MAPK10: variants seen among roughly 807,000 people sequenced by gnomAD.
The protein encoded by MAPK10 is JNK3 alpha protein kinase.
Under a neutral mutation model 59.3 loss-of-function variants are expected in MAPK10, and 25 were observed. That is an observed-to-expected ratio of 0.42 (90% CI 0.31 to 0.59). MAPK10 has a LOEUF of 0.59. Ranked by LOEUF, MAPK10 falls within the 20% of genes least tolerant of loss-of-function variation. The pLI is 0.15. For synonymous variants in MAPK10, 190 were observed against 200.5 expected, an observed-to-expected ratio of 0.95 and a Z score of 0.44; for missense variants, 351 against 568.9, an observed-to-expected ratio of 0.62 and a Z score of 3.90.
chr4:86,402,505 T>C (rs956738461), intron 1 of MAPK10, among the ~76,000 whole-genome samples: 2 of 152,158 alleles, frequency 1.3e-5, no homozygotes, highest in African/African-American at 4.8e-5. Context: ...CTGCTAAACC[T>C]GTGAGCAGAA....
chr4:86,316,462 T>A (rs1486121129), intron 2 of MAPK10, among the ~76,000 whole-genome samples: 5 of 152,136 alleles, frequency 3.3e-5, no homozygotes, highest in Non-Finnish European at 5.9e-5. Context: ...TCCAGGGATA[T>A]CTCACAGTAA....
chr4:86,201,715 A>AT (rs2149332256), intron 2 of MAPK10, among the ~76,000 whole-genome samples: 1 of 151,384 alleles, frequency 6.6e-6, no homozygotes, highest in African/African-American at 2.4e-5. Flanking sequence ...TTTTTTATTT[A>AT]TTTTCCTTTT....
At chr4:86,541,425 A>C (rs1758685829) in intron 1 of MAPK10, among the ~76,000 whole-genome samples, 1 of 152,190 alleles carries the variant, frequency 6.6e-6, no homozygotes, top group African/African-American at 2.4e-5. Context: ...CCTTCCTTGC[A>C]GCAGGGTGGT....
At chr4:86,351,611 T>C (rs566992632) in intron 2 of MAPK10, among the ~76,000 whole-genome samples, 2 of 152,236 alleles carry the variant, frequency 1.3e-5, no homozygotes, top group Admixed American at 6.5e-5. Context: ...AATAGCACCT[T>C]AGATGTTCTC....
At chr4:86,169,898 G>T (rs1419910191) in intron 3 of MAPK10, among the ~76,000 whole-genome samples, 1 of 147,208 alleles carries the variant, frequency 6.8e-6, no homozygotes. Context: ...GAAGAGAGTG[G>T]GGGCCAATAT....
chr4:86,169,707 C>G (rs1240763536), intron 3 of MAPK10, among the ~76,000 whole-genome samples: 1 of 151,792 alleles, frequency 6.6e-6, no homozygotes, highest in East Asian at 1.9e-4. Context: ...TCAGGAAATA[C>G]AGAGAACACC....
At chr4:86,386,567 C>T (rs1457443397) in intron 1 of MAPK10, among the ~76,000 whole-genome samples, 1 of 151,930 alleles carries the variant, frequency 6.6e-6, no homozygotes, top group Non-Finnish European at 1.5e-5. Flanking sequence ...ATTTTGCTTC[C>T]ATCTGCTTTT....
chr4:86,186,291 T>A (rs1039968688), intron 3 of MAPK10, among the ~76,000 whole-genome samples: 4 of 152,132 alleles, frequency 2.6e-5, no homozygotes, highest in Non-Finnish European at 5.9e-5. Flanking sequence ...ACCAAGGCTG[T>A]CTAGCACTGG....
chr4:86,360,820 T>TA (rs1458615205), upstream of MAPK10, among the ~76,000 whole-genome samples: 1 of 152,172 alleles, frequency 6.6e-6, no homozygotes, highest in Non-Finnish European at 1.5e-5. Flanking sequence ...TTACTATCCA[T>TA]AAATAATAGT....
At chr4:86,170,387 CA>C (rs1343904430) in intron 3 of MAPK10, among the ~76,000 whole-genome samples, 1 of 151,420 alleles carries the variant, frequency 6.6e-6, no homozygotes, top group Non-Finnish European at 1.5e-5. Context: ...AAATGGAAAA[CA>C]AAAAAAGGCA....
intron 3 of MAPK10, among the ~76,000 whole-genome samples, chr4:86,189,872 T>G (rs2079228015): frequency 6.6e-6 from 1 of 152,232 alleles, no homozygotes; most frequent in South Asian, 2.1e-4. Context: ...AGTATGATAC[T>G]GGCTGTGGAA....
chr4:86,202,599 G>A lies in MAPK10; in HGVS notation c.-6-8192C>T, dbSNP rs78371894. 5.3e-4 allele frequency among the ~76,000 whole-genome samples: 81 copies of A among 151,992 alleles called. No individual in the cohort carries two copies. The East Asian group carries it at 0.011, about 22-fold the overall frequency. On this transcript the variant is annotated intron_variant, in intron 2 of 13. Transcript: ENST00000641462. Reference sequence around the variant, plus strand: ...TACATTTGATACTAACAAATTAGGAGCAAGGAGTTTGCAGTAGTAGAAATA... The same window carrying A: ...TACATTTGATACTAACAAATTAGGAACAAGGAGTTTGCAGTAGTAGAAATA...
intron 2 of MAPK10, among the ~76,000 whole-genome samples, chr4:86,297,473 C>T (rs1381042556): frequency 7.9e-5 from 12 of 152,018 alleles, no homozygotes; most frequent in East Asian, 1.9e-4. Flanking sequence ...CCACCAAGGT[C>T]GGCTACTTTT....
chr4:86,091,483 A>G (rs1167978138), intron 9 of MAPK10: 3 of 148,748 alleles, frequency 2.0e-5, no homozygotes, highest in African/African-American at 7.4e-5. Context: ...GTAATCCCTA[A>G]CCATTCCTCT....
intron 1 of MAPK10, among the ~76,000 whole-genome samples, chr4:86,503,279 G>A (rs893885013): frequency 5.9e-5 from 9 of 151,956 alleles, no homozygotes; most frequent in African/African-American, 1.7e-4. Flanking sequence ...AGTTCTTCCA[G>A]TTCAGACTCT....
rs2055488238 is a variant in MAPK10, at chr4:86,101,951, C to T, written c.507G>A (p.Leu169=). ...TAATGCCACACAACATTTGGTACAG[C>T]AGGTAAGACATTCGCTCATGGTCTA... The part of the protein sequence containing the change: ...MELDHERMSY[L]LYQMLCGIKH... Residue 169 remains leucine (L), a synonymous_variant, in exon 7 of 14, where the codon CTG becomes CTA. Transcript: ENST00000641462. The T allele has an allele frequency of 1.2e-6, 2 of 1,614,020 alleles. No homozygotes were observed. The highest frequency in any genetic ancestry group is 8.5e-7 in the Non-Finnish European group (1 of 1,179,904).
intron 2 of MAPK10, among the ~76,000 whole-genome samples, chr4:86,291,257 A>G (rs530732480): frequency 6.6e-6 from 1 of 152,308 alleles, no homozygotes; most frequent in Middle Eastern, 3.4e-3. Context: ...AAAGAAACAT[A>G]ACCTCTACTC....
At chr4:86,107,539 A>G in intron 4 of MAPK10, 187 bp from the exon 5 acceptor site, 2 of 1,219,694 alleles carry the variant, frequency 1.6e-6, no homozygotes, top group Non-Finnish European at 2.0e-6. Flanking sequence ...TCTACATGCT[A>G]GGAGGATGAA....
At chr4:86,580,356 G>T (rs963641068) in intron 1 of MAPK10, among the ~76,000 whole-genome samples, 1 of 151,838 alleles carries the variant, frequency 6.6e-6, no homozygotes, top group Non-Finnish European at 1.5e-5. Flanking sequence ...AAAATTAGCC[G>T]GGCATGGTGG....
Sources: gnomAD v4.1 joint callset for allele counts (sites outside exome capture counted in the v4.1 genomes callset) on GRCh38, gnomAD v4.1.1 for gene constraint, MANE v1.5 for transcripts, NCBI Gene and HGNC (gene_info 2026-07-23, HGNC 2026-07-21) for gene names.